COG5: variants seen among roughly 807,000 people sequenced by gnomAD.
The protein encoded by COG5 is component of oligomeric golgi complex 5.
COG5 carries 86 observed loss-of-function variants against 110.4 expected under a neutral mutation model. The observed-to-expected ratio is 0.78, with a 90% CI of 0.65 to 0.93. COG5 has a LOEUF of 0.93. COG5 is among the 40% of genes least tolerant of loss of function. The pLI is 0.00. For synonymous variants in COG5, 360 were observed against 334.6 expected (o/e 1.08, Z -0.83); for missense variants, 1,077 against 987.0 (o/e 1.09, Z -1.22).
At chr7:107,305,485 G>A (rs1295690624) in intron 11 of COG5, among the ~76,000 whole-genome samples, 1 of 152,118 alleles carries the variant, frequency 6.6e-6, no homozygotes, top group Non-Finnish European at 1.5e-5. Context: ...CTATTGTCAT[G>A]TAACAACTTG....
intron 6 of COG5, among the ~76,000 whole-genome samples, chr7:107,436,888 G>T (rs1794402395): frequency 6.6e-6 from 1 of 152,136 alleles, no homozygotes; most frequent in African/African-American, 2.4e-5. Flanking sequence ...CAAATAGTAT[G>T]ATGTATTTAT....
At chr7:107,434,700 G>C (rs1794245077) in intron 6 of COG5, among the ~76,000 whole-genome samples, 1 of 152,198 alleles carries the variant, frequency 6.6e-6, no homozygotes, top group Admixed American at 6.5e-5. Flanking sequence ...GCTGGGCGCG[G>C]TGGCTCACGC....
At position 107,295,093 on chromosome 7, in the gene COG5, ATATATATATTTT is replaced by A. The variant is rs1311779407; in HGVS notation, c.1313+3037_1313+3048del. On this transcript the variant is annotated intron_variant, in intron 12 of 21. Coordinates refer to ENST00000297135, the MANE Select transcript of COG5 (RefSeq NM_006348.5). ...TATATATATATATATATATATATAT[ATATATATATTTT>A]TTTTTTTTTTTTGTAGAGTCAGGAT... Among the ~76,000 whole-genome samples the A allele has an allele frequency of 2.4e-3, 182 of 77,122 alleles. 3 individuals are homozygous for A. The highest frequency in any genetic ancestry group is 0.013 in the Middle Eastern group (2 of 158). The allele number at this position is 77,122 out of a possible 152,430, so 50.6% of individuals were successfully genotyped here.
chr7:107,244,567 C>T (rs1243745381), intron 17 of COG5, among the ~76,000 whole-genome samples: 1 of 151,736 alleles, frequency 6.6e-6, no homozygotes, highest in East Asian at 1.9e-4. Flanking sequence ...ATAAAATAGG[C>T]CATTAGCTAG....
At chr7:107,530,806 C>T (rs1338092852) in intron 5 of COG5, among the ~76,000 whole-genome samples, 1 of 152,064 alleles carries the variant, frequency 6.6e-6, no homozygotes, top group Non-Finnish European at 1.5e-5. Flanking sequence ...TGCCTCCCCT[C>T]CAATCAATTT....
intron 6 of COG5, among the ~76,000 whole-genome samples, chr7:107,515,851 A>C (rs1799882793): frequency 6.6e-6 from 1 of 152,240 alleles, no homozygotes; most frequent in Non-Finnish European, 1.5e-5. Flanking sequence ...ATAGCAAAAT[A>C]AAGTTTCTAA....
chr7:107,352,748 G>T (rs1405912378), intron 10 of COG5, among the ~76,000 whole-genome samples: 1 of 143,288 alleles, frequency 7.0e-6, no homozygotes, highest in Admixed American at 7.0e-5. Context: ...CATTAGTACA[G>T]CAACTGAAAA....
chr7:107,211,141 A>C lies in COG5; in HGVS notation c.2253T>G (p.Phe751Leu), dbSNP rs1199507626. ...GTTCAGCGGGTGCTCTCGTGAACAA[A>C]AACTGAATAATGATGCTGAACGGAA... ...DVIPFSIIIQ[F>L]LFTRAPAELK... The change falls in exon 20 of 22, where the codon TTT becomes TTG. Residue 751 changes from phenylalanine (F) to leucine (L), a missense_variant. Coordinates refer to ENST00000297135, the MANE Select transcript of COG5 (RefSeq NM_006348.5). The C allele has an allele frequency of 1.9e-6, 3 of 1,614,050 alleles. No homozygotes were observed. The highest frequency in any genetic ancestry group is 2.5e-6 in the Non-Finnish European group (3 of 1,180,020).
intron 7 of COG5, among the ~76,000 whole-genome samples, chr7:107,388,166 C>G (rs1466269604): frequency 6.6e-6 from 1 of 152,202 alleles, no homozygotes; most frequent in African/African-American, 2.4e-5. Flanking sequence ...TGCCAGCTCA[C>G]AGGCAATCTC....
intron 12 of COG5, among the ~76,000 whole-genome samples, chr7:107,293,354 A>G (rs1250633645): frequency 5.3e-5 from 8 of 152,108 alleles, no homozygotes; most frequent in Non-Finnish European, 1.0e-4. Flanking sequence ...CTTCCCAGGA[A>G]GAGAGCCTTC....
intron 7 of COG5, among the ~76,000 whole-genome samples, chr7:107,400,898 C>T (rs556474077): frequency 1.3e-5 from 2 of 151,822 alleles, no homozygotes; most frequent in East Asian, 1.9e-4. Flanking sequence ...ACAGAAATGC[C>T]GTATGGTAAT....
At chr7:107,503,436 G>A (rs1030815962) in intron 6 of COG5, among the ~76,000 whole-genome samples, 1 of 152,078 alleles carries the variant, frequency 6.6e-6, no homozygotes, top group Non-Finnish European at 1.5e-5. Context: ...CCAGTAATAT[G>A]ATGCCTCCAG....
At chr7:107,380,226 C>T (rs546164450) in intron 7 of COG5, among the ~76,000 whole-genome samples, 27 of 152,014 alleles carry the variant, frequency 1.8e-4, no homozygotes, top group South Asian at 8.3e-4. Flanking sequence ...GATCTAAAAT[C>T]GACACCCTAA....
intron 1 of COG5, among the ~76,000 whole-genome samples, chr7:107,561,482 G>C (rs137918087): frequency 6.6e-6 from 1 of 152,144 alleles, no homozygotes; most frequent in Admixed American, 6.6e-5. Context: ...CCCATAAACC[G>C]CATGAGGAAA....
chr7:107,506,754 T>A (rs1003451931), intron 6 of COG5, among the ~76,000 whole-genome samples: 1 of 152,054 alleles, frequency 6.6e-6, no homozygotes, highest in Non-Finnish European at 1.5e-5. Context: ...GCCACGCCCC[T>A]CCCAGTTGGC....
At chr7:107,519,515 A>C (rs941205630) in intron 6 of COG5, among the ~76,000 whole-genome samples, 2 of 152,142 alleles carry the variant, frequency 1.3e-5, no homozygotes, top group Non-Finnish European at 2.9e-5. Context: ...TACTATAAAA[A>C]CCTCTACGCA....
At chr7:107,505,825 A>T (rs1450009998) in intron 6 of COG5, among the ~76,000 whole-genome samples, 1 of 152,190 alleles carries the variant, frequency 6.6e-6, no homozygotes, top group African/African-American at 2.4e-5. Context: ...CCTAAGGGCA[A>T]GAATACTGTG....
chr7:107,306,336 T>TAC (rs1456143184), intron 11 of COG5, among the ~76,000 whole-genome samples: 1 of 152,162 alleles, frequency 6.6e-6, no homozygotes, highest in African/African-American at 2.4e-5. Context: ...CTTTAGCCAC[T>TAC]GAAGTGGGTA....
intron 7 of COG5, among the ~76,000 whole-genome samples, chr7:107,378,232 C>T (rs778348280): frequency 3.1e-4 from 47 of 152,102 alleles, no homozygotes; most frequent in Admixed American, 7.2e-4. Flanking sequence ...TCAACATCAA[C>T]AAAAAGGAAG....
Sources: gnomAD v4.1 joint callset for allele counts (sites outside exome capture counted in the v4.1 genomes callset) on GRCh38, gnomAD v4.1.1 for gene constraint, MANE v1.5 for transcripts, NCBI Gene and HGNC (gene_info 2026-07-23, HGNC 2026-07-21) for gene names.